The following MANBAL variants were observed in gnomAD, a reference collection of about 807,000 sequenced individuals.
The protein encoded by MANBAL is protein MANBAL.
In MANBAL, 1 loss-of-function variant was observed where a neutral mutation model predicts 6.4. The observed-to-expected ratio is 0.16, with a 90% CI of 0.06 to 0.74. The LOEUF is 0.74. Among genes scored for constraint, MANBAL ranks in the 30% least tolerant of loss-of-function variants. MANBAL has a pLI of 0.78. For missense variants in MANBAL, 100 were observed against 107.8 expected (o/e 0.93, Z 0.32); for synonymous variants, 47 against 45.8 (o/e 1.03, Z -0.10).
intron 2 of MANBAL, among the ~76,000 whole-genome samples, chr20:37,313,318 C>T (rs969964589): frequency 6.6e-6 from 1 of 151,904 alleles, no homozygotes; most frequent in Non-Finnish European, 1.5e-5. Context: ...TTGCAATGAG[C>T]CGAGATCGAG....
At chr20:37,299,501 T>TAA (rs2069082430) in intron 1 of MANBAL, among the ~76,000 whole-genome samples, 1 of 152,260 alleles carries the variant, frequency 6.6e-6, no homozygotes, top group Non-Finnish European at 1.5e-5. Context: ...TTTCAAGTCT[T>TAA]AATAGTCATG....
At chr20:37,296,752 T>G (rs1478915921) in intron 1 of MANBAL, 1 of 152,238 alleles carries the variant, frequency 6.6e-6, no homozygotes, top group Non-Finnish European at 1.5e-5. Context: ...GCTCTTGTTA[T>G]ATTTTGTCTA....
chr20:37,291,818 A>G (rs1357034791), intron 1 of MANBAL, among the ~76,000 whole-genome samples: 2 of 152,200 alleles, frequency 1.3e-5, no homozygotes, highest in African/African-American at 4.8e-5. Flanking sequence ...CTGCTGTCAC[A>G]TAAGACATGC....
intron 2 of MANBAL, among the ~76,000 whole-genome samples, chr20:37,310,738 G>A (rs141420647): frequency 3.2e-4 from 48 of 152,294 alleles, no homozygotes; most frequent in African/African-American, 1.2e-3. Context: ...CACAGAGGAC[G>A]CCACTGTGAA....
rs368828112 is a variant in MANBAL at position 37,292,354 on chromosome 20, T to G, written c.-57+2668T>G. Among the ~76,000 whole-genome samples the G allele has an allele frequency of 1.5e-4, 23 of 152,292 alleles. No homozygotes were observed. In the East Asian group the frequency reaches 4.0e-3, roughly 27 times the overall value. ...TCTCCCGCTGTCGCCCAGGCTGGAG[T>G]GCAGTGGTGCAGTCTTGGCTCACTG... On this transcript the variant is annotated intron_variant, in intron 1 of 2. Coordinates refer to ENST00000373606, the MANE Select transcript of MANBAL (RefSeq NM_001003897.2).
intron 2 of MANBAL, among the ~76,000 whole-genome samples, chr20:37,311,410 C>T (rs2069384533): frequency 6.6e-6 from 1 of 152,190 alleles, no homozygotes; most frequent in Admixed American, 6.5e-5. Flanking sequence ...AAAGGGGAAC[C>T]AGCAAAGTTT....
rs371675485 is a variant in MANBAL, at chr20:37,316,333, G to C, written c.176G>C (p.Ser59Thr). The C allele has an allele frequency of 3.7e-6, 6 of 1,613,730 alleles. No homozygotes were observed. The African/African-American group carries it at 6.7e-5, about 18-fold the overall frequency. ...EAEAEPSEPR[S>T]AEVTRKPKAA... ...GAGGCTGAACCGTCTGAGCCCAGAA[G>C]TGCTGAGGTGACGAGGAAGCCCAAG... is the stretch of plus-strand genomic sequence containing the variant. Residue 59 changes from serine (S) to threonine (T), a missense_variant, in exon 3 of 3, where the codon AGT (serine) becomes ACT (threonine). Transcript: ENST00000373606.
At chr20:37,308,853 C>T (rs984161898) in intron 2 of MANBAL, among the ~76,000 whole-genome samples, 3 of 152,150 alleles carry the variant, frequency 2.0e-5, no homozygotes, top group African/African-American at 7.2e-5. Context: ...CAGTCATACA[C>T]GGTAGTGAAT....
intron 1 of MANBAL, among the ~76,000 whole-genome samples, chr20:37,293,592 G>A (rs1031040288): frequency 8.5e-5 from 13 of 152,286 alleles, no homozygotes; most frequent in African/African-American, 2.9e-4. Context: ...TGTGGCCTGG[G>A]GGTTGGGGAC....
At chr20:37,295,317 A>G (rs2068968699) in intron 1 of MANBAL, among the ~76,000 whole-genome samples, 1 of 152,240 alleles carries the variant, frequency 6.6e-6, no homozygotes, top group Non-Finnish European at 1.5e-5. Flanking sequence ...AATAGAAAAC[A>G]GTAGATTCCA....
intron 1 of MANBAL, among the ~76,000 whole-genome samples, chr20:37,290,010 A>G (rs2068828578): frequency 6.6e-6 from 1 of 152,222 alleles, no homozygotes; most frequent in African/African-American, 2.4e-5. Context: ...CCTGAGCTCC[A>G]GAGTGAATCT....
At chr20:37,296,204 A>G (rs1199470322) in intron 1 of MANBAL, among the ~76,000 whole-genome samples, 1 of 152,226 alleles carries the variant, frequency 6.6e-6, no homozygotes, top group Non-Finnish European at 1.5e-5. Context: ...GAACACAAAT[A>G]CAGAACATTT....
intron 2 of MANBAL, among the ~76,000 whole-genome samples, chr20:37,311,162 G>GCACAC (rs1451876461): frequency 2.0e-5 from 3 of 152,240 alleles, no homozygotes; most frequent in Non-Finnish European, 2.9e-5. Flanking sequence ...CATCCACATG[G>GCACAC]CACACAGCCA....
At chr20:37,304,689 A>G (rs1479970848) in intron 2 of MANBAL, among the ~76,000 whole-genome samples, 3 of 152,196 alleles carry the variant, frequency 2.0e-5, no homozygotes, top group Non-Finnish European at 4.4e-5. Flanking sequence ...AATTACTGAT[A>G]CAATGTGGAA....
rs1014995047 is a variant in MANBAL, at chr20:37,317,240, A to G, written c.*825A>G. ...TTCCTGGGGGAAGTATGGTGAATAA[A>G]CTGACATGCATGCTTCAGAACCTGC... On this transcript the variant is annotated 3_prime_UTR_variant, in exon 3 of 3. Coordinates refer to ENST00000373606, the MANE Select transcript of MANBAL (RefSeq NM_001003897.2). The G allele has an allele frequency of 4.6e-5, 7 of 152,634 alleles. No individual in the cohort carries two copies. Among genetic ancestry groups the G allele is most frequent in the African/African-American group, 1.7e-4 (7 of 41,422 alleles). 9.5% of individuals were successfully genotyped at this position (152,634 alleles called of 1,614,324 possible). A position where few individuals can be genotyped will look rare whatever the true frequency, so the allele number is the denominator to read the frequency against.
chr20:37,294,983 C>G (rs1426238828), intron 1 of MANBAL, among the ~76,000 whole-genome samples: 2 of 152,210 alleles, frequency 1.3e-5, no homozygotes, highest in East Asian at 3.8e-4. Context: ...AATTATGCAC[C>G]TTTTGTTAAA....
At chr20:37,312,741 G>A (rs967791596) in intron 2 of MANBAL, among the ~76,000 whole-genome samples, 1 of 152,182 alleles carries the variant, frequency 6.6e-6, no homozygotes, top group Non-Finnish European at 1.5e-5. Flanking sequence ...AAATTCTTGG[G>A]CTTTAGTGAT....
chr20:37,296,322 A>G (rs2068996140), intron 1 of MANBAL, among the ~76,000 whole-genome samples: 1 of 152,248 alleles, frequency 6.6e-6, no homozygotes, highest in African/African-American at 2.4e-5. Context: ...TTATTGTTTC[A>G]TAACATTCCA....
chr20:37,291,388 G>A (rs1255785568), intron 1 of MANBAL, among the ~76,000 whole-genome samples: 1 of 151,812 alleles, frequency 6.6e-6, no homozygotes, highest in Non-Finnish European at 1.5e-5. Context: ...TTCTGTCCTG[G>A]TATTATCCAG....
Sources: allele counts gnomAD v4.1 joint callset (sites outside exome capture counted in the v4.1 genomes callset), GRCh38; gene constraint gnomAD v4.1.1; transcripts MANE v1.5; gene names NCBI Gene and HGNC (gene_info 2026-07-23, HGNC 2026-07-21).